ST7: variants seen among roughly 807,000 people sequenced by gnomAD.
The protein encoded by ST7 is suppression of tumorigenicity 7, also known as suppressor of tumorigenicity 7 protein.
A neutral mutation model predicts 78.7 loss-of-function variants in ST7; 28 were observed. That is an observed-to-expected ratio of 0.36 (90% CI 0.26 to 0.49). The LOEUF is 0.49. ST7 is among the 20% of genes least tolerant of loss of function. The pLI, the probability that ST7 is intolerant of heterozygous loss-of-function variation, is 0.99. For missense variants in ST7, 418 were observed against 696.0 expected (o/e 0.60, Z 4.49); for synonymous variants, 247 against 249.6 (o/e 0.99, Z 0.10).
chr7:117,101,764 C>CA (rs1429721384), intron 2 of ST7, among the ~76,000 whole-genome samples: 1 of 152,140 alleles, frequency 6.6e-6, no homozygotes, highest in Non-Finnish European at 1.5e-5. Flanking sequence ...CCAGAAACCC[C>CA]AAAACCAACT....
At chr7:117,089,510 C>T (rs1170752922) in intron 1 of ST7, among the ~76,000 whole-genome samples, 2 of 150,866 alleles carry the variant, frequency 1.3e-5, no homozygotes, top group Admixed American at 6.6e-5. Context: ...AAAACCTGTG[C>T]GGGATTACTT....
intron 1 of ST7, chr7:117,072,729 A>G (rs927343859): frequency 7.2e-5 from 11 of 152,290 alleles, no homozygotes; most frequent in African/African-American, 2.6e-4. Flanking sequence ...ATTACCACCT[A>G]TTGAGCGAGT....
intron 7 of ST7, among the ~76,000 whole-genome samples, chr7:117,135,301 A>G (rs1415884345): frequency 6.6e-6 from 1 of 152,072 alleles, no homozygotes; most frequent in East Asian, 1.9e-4. Flanking sequence ...ATATGAGATG[A>G]TATATGTTAA....
intron 1 of ST7, among the ~76,000 whole-genome samples, chr7:116,999,812 T>TTC (rs1554424014): frequency 5.0e-5 from 7 of 139,650 alleles, no homozygotes; most frequent in Admixed American, 2.8e-4. Context: ...TTCTTTCTTT[T>TTC]TTTTTTTTTT....
intron 8 of ST7, 23 bp downstream of exon 8, chr7:117,136,258 G>A (rs745911189): frequency 2.5e-6 from 4 of 1,613,370 alleles, no homozygotes; most frequent in African/African-American, 1.3e-5. Flanking sequence ...GCAGGTTGAT[G>A]CATTGGGGGA....
intron 1 of ST7, among the ~76,000 whole-genome samples, chr7:117,052,977 T>G (rs1797865847): frequency 6.6e-6 from 1 of 152,226 alleles, no homozygotes; most frequent in African/African-American, 2.4e-5. Context: ...ATATCCTCAT[T>G]TTTCTACTTA....
At chr7:117,227,591 A>G (rs1197059764) in intron 15 of ST7, among the ~76,000 whole-genome samples, 1 of 152,072 alleles carries the variant, frequency 6.6e-6, no homozygotes, top group Non-Finnish European at 1.5e-5. Context: ...ATGTACACAT[A>G]TTATGTGTGT....
chr7:117,027,581 A>T (rs1796273638), intron 1 of ST7, among the ~76,000 whole-genome samples: 1 of 151,464 alleles, frequency 6.6e-6, no homozygotes, highest in African/African-American at 2.4e-5. Flanking sequence ...TGTTCCAGAA[A>T]TGTCTCTCTT....
intron 1 of ST7, chr7:117,020,394 C>A: frequency 2.1e-6 from 1 of 480,446 alleles, no homozygotes; most frequent in Non-Finnish European, 3.4e-6. Context: ...GTTAAGAGAC[C>A]TTGCATTTCA....
chr7:117,023,401 C>T (rs1017076818), intron 1 of ST7, among the ~76,000 whole-genome samples: 3 of 152,176 alleles, frequency 2.0e-5, no homozygotes, highest in Non-Finnish European at 4.4e-5. Flanking sequence ...ATCAATATCT[C>T]CAATGATACT....
intron 9 of ST7, among the ~76,000 whole-genome samples, chr7:117,147,088 G>T (rs1563120553): frequency 6.6e-6 from 1 of 152,032 alleles, no homozygotes; most frequent in African/African-American, 2.4e-5. Flanking sequence ...ATAGATCTCT[G>T]CTTCTTCCCT....
chr7:117,151,857 C>T (rs1489363738), intron 9 of ST7, among the ~76,000 whole-genome samples: 13 of 151,986 alleles, frequency 8.6e-5, no homozygotes, highest in South Asian at 6.2e-4. Flanking sequence ...TGGTGGCTCA[C>T]GCCTATAATC....
At chr7:117,066,935 T>A (rs775111883) in intron 1 of ST7, among the ~76,000 whole-genome samples, 2 of 152,134 alleles carry the variant, frequency 1.3e-5, no homozygotes, top group Non-Finnish European at 2.9e-5. Context: ...TGGAAACCAC[T>A]AATCTACTTT....
chr7:117,049,611 TA>T (rs983157126), intron 1 of ST7, among the ~76,000 whole-genome samples: 1 of 152,206 alleles, frequency 6.6e-6, no homozygotes, highest in Non-Finnish European at 1.5e-5. Flanking sequence ...CAATAAGAGA[TA>T]AAAAGATATT....
At chr7:116,994,254 T>C (rs1794552548) in intron 1 of ST7, among the ~76,000 whole-genome samples, 1 of 152,234 alleles carries the variant, frequency 6.6e-6, no homozygotes, top group Non-Finnish European at 1.5e-5. Context: ...AGGAATCATG[T>C]AATATTTATC....
chr7:117,178,186 AT>A (rs1563144584), intron 10 of ST7, among the ~76,000 whole-genome samples: 1 of 152,120 alleles, frequency 6.6e-6, no homozygotes, highest in Non-Finnish European at 1.5e-5. Flanking sequence ...AAATAGGTTA[AT>A]TTTTTTCAAA....
intron 1 of ST7, among the ~76,000 whole-genome samples, chr7:117,015,452 A>G (rs1795562657): frequency 6.6e-6 from 1 of 152,226 alleles, no homozygotes; most frequent in South Asian, 2.1e-4. Context: ...AATGTAATGA[A>G]GTGAATTGGA....
chr7:117,171,468 G>A (rs546779814), intron 10 of ST7, among the ~76,000 whole-genome samples: 21 of 151,936 alleles, frequency 1.4e-4, no homozygotes, highest in East Asian at 7.7e-4. Flanking sequence ...AATCATGTCC[G>A]CTTCATCCCA....
intron 3 of ST7, among the ~76,000 whole-genome samples, chr7:117,127,639 GTT>G (rs1327180197): frequency 2.6e-5 from 4 of 151,852 alleles, no homozygotes; most frequent in African/African-American, 9.6e-5. Flanking sequence ...TTTTTTCTAA[GTT>G]TTAGGGATAG....
Sources: allele counts gnomAD v4.1 joint callset (sites outside exome capture counted in the v4.1 genomes callset), GRCh38; gene constraint gnomAD v4.1.1; transcripts MANE v1.5; gene names NCBI Gene and HGNC (gene_info 2026-07-23, HGNC 2026-07-21).